Variants in RTCB observed in about 807,000 individuals in gnomAD.
RTCB encodes the protein RNA-splicing ligase RTCB.
Under a neutral mutation model 58.2 loss-of-function variants are expected in RTCB, and 32 were observed. That is an observed-to-expected ratio of 0.55 (90% CI 0.41 to 0.74). The LOEUF (loss-of-function observed/expected upper bound fraction) is 0.74. Among genes scored for constraint, RTCB ranks in the 30% least tolerant of loss-of-function variants. The pLI is 0.00. For missense variants in RTCB, 523 were observed against 639.0 expected (o/e 0.82, Z 1.96); for synonymous variants, 247 against 218.6 (o/e 1.13, Z -1.15).
At chr22:32,404,040 ATTTC>A (rs1273998036) in intron 4 of RTCB, among the ~76,000 whole-genome samples, 1 of 152,136 alleles carries the variant, frequency 6.6e-6, no homozygotes, top group Admixed American at 6.6e-5. Context: ...TAAAAGATTG[ATTTC>A]TTTCTTTATT....
chr22:32,394,341 G>GA (rs1353846166), intron 9 of RTCB, among the ~76,000 whole-genome samples: 6 of 152,038 alleles, frequency 3.9e-5, no homozygotes, highest in African/African-American at 1.4e-4. Flanking sequence ...TCGATCTCCC[G>GA]AACTCGTGAT....
intron 5 of RTCB, among the ~76,000 whole-genome samples, chr22:32,401,289 T>C (rs1431612327): frequency 6.6e-6 from 1 of 151,778 alleles, no homozygotes; most frequent in Non-Finnish European, 1.5e-5. Context: ...ACGAGATCTA[T>C]GTTGCCTAGG....
chr22:32,412,039 C>T lies in RTCB; in HGVS notation c.93+25G>A, dbSNP rs552201678. On this transcript the variant is annotated intron_variant, in intron 1 of 11. Transcript: ENST00000216038. ...GGGCCGGGGACGGAGCACGGAAGGC[C>T]CCGCCATTTGCTCTCCTGCCTTACC... is the stretch of plus-strand genomic sequence containing the variant. 243 of 1,579,204 alleles carry T rather than the reference C, an allele frequency of 1.5e-4. 2 individuals are homozygous for T. In the South Asian group the frequency reaches 2.6e-3, roughly 17 times the overall value.
chr22:32,397,893 T>C (rs1933272316), intron 7 of RTCB, 48 bp downstream of exon 7: 1 of 1,554,564 alleles, frequency 6.4e-7, no homozygotes, highest in Non-Finnish European at 8.7e-7. Context: ...TAAATTTCTA[T>C]CTGGTTGCCC....
At chr22:32,407,678 A>G (rs958430268) in intron 3 of RTCB, among the ~76,000 whole-genome samples, 1 of 152,240 alleles carries the variant, frequency 6.6e-6, no homozygotes, top group African/African-American at 2.4e-5. Flanking sequence ...AAGGTTCTTA[A>G]CACTTACAGA....
At position 32,402,302 on chromosome 22, in the gene RTCB, C is replaced by A. The variant is rs560574593; in HGVS notation, c.341-399G>T. Among the ~76,000 whole-genome samples, 3 of 152,292 alleles carry A rather than the reference C, an allele frequency of 2.0e-5. No homozygotes were observed. In the South Asian group the frequency reaches 6.2e-4, roughly 32 times the overall value. On this transcript the variant is annotated intron_variant, in intron 4 of 11. Transcript: ENST00000216038. ...CTAATTTTACTCCTAATTATTCCAT[C>A]TTTCTACTTTTTTAGGGTATAATTT...
At chr22:32,407,845 G>C in intron 3 of RTCB, 1 of 283,388 alleles carries the variant, frequency 3.5e-6, no homozygotes, top group Admixed American at 4.6e-5. Context: ...TCAGTGCAGT[G>C]TGGAACTCTG....
At chr22:32,411,360 C>G (rs1049771566) in intron 1 of RTCB, among the ~76,000 whole-genome samples, 7 of 152,168 alleles carry the variant, frequency 4.6e-5, no homozygotes, top group Non-Finnish European at 1.0e-4. Context: ...CCGAGAGATA[C>G]AGAGCCCAGG....
intron 10 of RTCB, among the ~76,000 whole-genome samples, chr22:32,392,707 T>C (rs1051210561): frequency 6.6e-6 from 1 of 152,158 alleles, no homozygotes; most frequent in Non-Finnish European, 1.5e-5. Context: ...ATCTCCTTTG[T>C]TGAAAACTAC....
chr22:32,392,023 A>G (rs5754061), intron 11 of RTCB, among the ~76,000 whole-genome samples: 1 of 152,200 alleles, frequency 6.6e-6, no homozygotes, highest in Admixed American at 6.5e-5. Flanking sequence ...AGTAAAAATC[A>G]TTCTTAAGGA....
intron 1 of RTCB, among the ~76,000 whole-genome samples, chr22:32,410,235 G>A (rs573631626): frequency 6.6e-6 from 1 of 152,182 alleles, no homozygotes; most frequent in African/African-American, 2.4e-5. Context: ...CTAGGGAGCT[G>A]GGAGAGGTTT....
rs771756217 is a variant in RTCB at position 32,401,782 on chromosome 22, C to T, written c.462G>A (p.Gly154=). 6.2e-7 allele frequency: 1 copy of T among 1,613,844 alleles called. No individual in the cohort carries two copies. The highest frequency in any genetic ancestry group is 1.7e-5 in the Admixed American group (1 of 60,008). ...AQAMFDHIPV[G]VGSKGVIPMN... The stretch of plus-strand genomic sequence containing the variant: ...TTGGGATGACACCTTTTGACCCCAC[C>T]CCAACAGGAATGTGGTCAAACATAG... Residue 154 remains glycine (G), a synonymous_variant, in exon 5 of 12, where the codon GGG becomes GGA. Transcript: ENST00000216038.
At chr22:32,398,372 C>G (rs779315220) in intron 6 of RTCB, among the ~76,000 whole-genome samples, 1 of 152,070 alleles carries the variant, frequency 6.6e-6, no homozygotes, top group Non-Finnish European at 1.5e-5. Flanking sequence ...CCAAACACCA[C>G]GGGTTCTCAC....
chr22:32,388,455 T>C (rs1028079712), intron 11 of RTCB, among the ~76,000 whole-genome samples: 6 of 152,228 alleles, frequency 3.9e-5, no homozygotes, highest in Admixed American at 2.0e-4. Flanking sequence ...CTCTTGATGG[T>C]AGAATTACTG....
intron 10 of RTCB, among the ~76,000 whole-genome samples, chr22:32,393,140 T>C (rs1478647515): frequency 1.3e-5 from 2 of 152,218 alleles, no homozygotes; most frequent in Non-Finnish European, 2.9e-5. Flanking sequence ...TTGCTAATGT[T>C]GCCCAGTCTA....
At position 32,387,956 on chromosome 22, in the gene RTCB, G is replaced by A; in HGVS notation, c.*36C>T. The A allele has an allele frequency of 7.6e-7, 1 of 1,315,570 alleles. No homozygotes were observed. The highest frequency in any genetic ancestry group is 1.1e-6 in the Non-Finnish European group (1 of 908,764). 81.5% of individuals were successfully genotyped at this position (1,315,570 alleles called of 1,614,324 possible). A position where few individuals can be genotyped will look rare whatever the true frequency, so the allele number is the denominator to read the frequency against. On this transcript the variant is annotated 3_prime_UTR_variant, in exon 12 of 12. Coordinates refer to ENST00000216038, the MANE Select transcript of RTCB (RefSeq NM_014306.5). ...GTCAGTCCACTTCCACTTCAGAGAG[G>A]GTTGGTGGTGTCAGGCAGCCCTGCT...
chr22:32,405,400 G>A (rs189239735), intron 4 of RTCB, among the ~76,000 whole-genome samples: 8 of 152,146 alleles, frequency 5.3e-5, no homozygotes, highest in Admixed American at 3.9e-4. Context: ...CTCAGCATGT[G>A]GTCAGTTTTG....
intron 4 of RTCB, among the ~76,000 whole-genome samples, chr22:32,404,560 C>T (rs1473607638): frequency 1.3e-5 from 2 of 152,314 alleles, no homozygotes; most frequent in East Asian, 3.9e-4. Context: ...ATGTGCGCCA[C>T]CATACCCAGC....
intron 8 of RTCB, 127 bp downstream of exon 8, chr22:32,395,947 C>T (rs969582114): frequency 6.8e-6 from 6 of 880,818 alleles, no homozygotes; most frequent in African/African-American, 1.7e-5. Flanking sequence ...GATCCGCCCC[C>T]CCTCGGCCTC....
Sources: allele counts gnomAD v4.1 joint callset (sites outside exome capture counted in the v4.1 genomes callset), GRCh38; gene constraint gnomAD v4.1.1; transcripts MANE v1.5; gene names NCBI Gene and HGNC (gene_info 2026-07-23, HGNC 2026-07-21).